The following KCNJ6 variants were observed in gnomAD, a reference collection of about 807,000 sequenced individuals.
KCNJ6 encodes G protein-activated inward rectifier potassium channel 2.
A neutral mutation model predicts 34.2 loss-of-function variants in KCNJ6; 9 were observed. The ratio of observed to expected loss-of-function variants is 0.26; its 90% CI spans 0.16 to 0.46. The LOEUF (loss-of-function observed/expected upper bound fraction) is 0.46, where lower values mean the gene tolerates loss of function less well. Ranked by LOEUF, KCNJ6 falls within the 20% of genes least tolerant of loss-of-function variation. The pLI, the probability that KCNJ6 is intolerant of heterozygous loss-of-function variation, is 1.00. For synonymous variants in KCNJ6, 196 were observed against 207.1 expected (o/e 0.95, Z 0.46); for missense variants, 236 against 531.3 (o/e 0.44, Z 5.46).
At chr21:37,742,512 A>G (rs988276217) in intron 2 of KCNJ6, among the ~76,000 whole-genome samples, 1 of 7,044 alleles carries the variant, frequency 1.4e-4, no homozygotes, top group African/African-American at 2.6e-3. Context: ...GAAAAATATT[A>G]AAAAGAAAAA....
chr21:37,854,978 C>T (rs1037186363), intron 1 of KCNJ6, among the ~76,000 whole-genome samples: 1 of 152,140 alleles, frequency 6.6e-6, no homozygotes, highest in African/African-American at 2.4e-5. Context: ...GGTAAGGATA[C>T]AGAGAAAATC....
At chr21:37,842,323 G>C (rs968484889) in intron 1 of KCNJ6, among the ~76,000 whole-genome samples, 9 of 152,170 alleles carry the variant, frequency 5.9e-5, no homozygotes, top group Non-Finnish European at 8.8e-5. Flanking sequence ...GTACAGTCTA[G>C]CAGTTTGGCT....
intron 2 of KCNJ6, among the ~76,000 whole-genome samples, chr21:37,761,141 GGTATGTGTGGTGTGTGTGCT>G (rs1025291370): frequency 1.1e-4 from 17 of 151,426 alleles, no homozygotes; most frequent in Non-Finnish European, 2.5e-4. Flanking sequence ...GTGTACGTGT[GGTATGTGTGGTGTGTGTGCT>G]GTATGTGTGT....
chr21:37,816,970 T>G (rs1227866441), intron 2 of KCNJ6, among the ~76,000 whole-genome samples: 1 of 152,204 alleles, frequency 6.6e-6, no homozygotes, highest in African/African-American at 2.4e-5. Flanking sequence ...TCTCTTGCCA[T>G]GTTTTTGGAT....
At chr21:37,744,791 C>G (rs2054959012) in intron 2 of KCNJ6, among the ~76,000 whole-genome samples, 1 of 152,242 alleles carries the variant, frequency 6.6e-6, no homozygotes, top group Middle Eastern at 3.4e-3. Context: ...AAGGATTTCA[C>G]TGAGTTGCAG....
At chr21:37,879,801 T>G (rs1244807706) in intron 1 of KCNJ6, among the ~76,000 whole-genome samples, 1 of 149,696 alleles carries the variant, frequency 6.7e-6, no homozygotes, top group East Asian at 2.0e-4. Flanking sequence ...CATGTCGGAT[T>G]GGGAGGAGAG....
intron 3 of KCNJ6, among the ~76,000 whole-genome samples, chr21:37,660,429 G>C (rs528316984): frequency 6.6e-6 from 1 of 152,310 alleles, no homozygotes; most frequent in African/African-American, 2.4e-5. Flanking sequence ...AGCACTGGTC[G>C]TGGGGTGTTC....
At chr21:37,796,224 C>G (rs2123526835) in intron 2 of KCNJ6, among the ~76,000 whole-genome samples, 1 of 152,260 alleles carries the variant, frequency 6.6e-6, no homozygotes, top group South Asian at 2.1e-4. Context: ...AATGAGCAAG[C>G]CTGAAGTCAC....
intron 3 of KCNJ6, among the ~76,000 whole-genome samples, chr21:37,655,203 GTGTGTGTGTGTGTGTGTGTGT>G (rs2054452926): frequency 1.3e-5 from 1 of 77,262 alleles, no homozygotes; most frequent in African/African-American, 4.9e-5. Context: ...GTGTGTGTGT[GTGTGTGTGTGTGTGTGTGTGT>G]GAGAGAGAGA....
At chr21:37,761,664 ATG>A in intron 2 of KCNJ6, among the ~76,000 whole-genome samples, 1 of 144,822 alleles carries the variant, frequency 6.9e-6, no homozygotes, top group Middle Eastern at 3.6e-3. Context: ...TGTGTGTTGT[ATG>A]TAGTTTGTGT....
At chr21:37,814,505 C>A (rs757950822) in intron 2 of KCNJ6, among the ~76,000 whole-genome samples, 5 of 152,140 alleles carry the variant, frequency 3.3e-5, no homozygotes, top group Admixed American at 1.3e-4. Flanking sequence ...GCACTGTTCA[C>A]AATAGCCAAA....
At chr21:37,685,711 T>TAAAAAAAAAAAA (rs2054612222) in intron 3 of KCNJ6, among the ~76,000 whole-genome samples, 1 of 81,230 alleles carries the variant, frequency 1.2e-5, no homozygotes, top group African/African-American at 3.9e-5. Flanking sequence ...AAAAAAAATC[T>TAAAAAAAAAAAA]ATCCTATGGA....
intron 2 of KCNJ6, among the ~76,000 whole-genome samples, chr21:37,736,872 G>A (rs2054915785): frequency 6.6e-6 from 1 of 152,218 alleles, no homozygotes; most frequent in Admixed American, 6.5e-5. Flanking sequence ...GCATTTCACG[G>A]TCACCCTCCT....
At chr21:37,734,700 G>T (rs940377077) in intron 2 of KCNJ6, among the ~76,000 whole-genome samples, 3 of 152,122 alleles carry the variant, frequency 2.0e-5, no homozygotes, top group Non-Finnish European at 4.4e-5. Context: ...TTGCTGGAAG[G>T]TGGTGGGAAG....
intron 3 of KCNJ6, among the ~76,000 whole-genome samples, chr21:37,639,569 A>G (rs1170131929): frequency 6.6e-6 from 1 of 152,142 alleles, no homozygotes; most frequent in Non-Finnish European, 1.5e-5. Flanking sequence ...AGCCATTTAA[A>G]TGGTTCAAAA....
At chr21:37,870,797 G>T (rs143166866) in intron 1 of KCNJ6, among the ~76,000 whole-genome samples, 1 of 152,158 alleles carries the variant, frequency 6.6e-6, no homozygotes, top group Non-Finnish European at 1.5e-5. Context: ...GTGATCTGAT[G>T]ATGCCATCGT....
chr21:37,828,133 G>C (rs2835995), intron 2 of KCNJ6, among the ~76,000 whole-genome samples: 29,624 of 152,114 alleles, frequency 0.19, 4,657 homozygotes, highest in East Asian at 0.49. Context: ...CTGGGCTGCA[G>C]AGAAATTCTG....
At chr21:37,648,232 A>G (rs898209855) in intron 3 of KCNJ6, among the ~76,000 whole-genome samples, 1 of 152,218 alleles carries the variant, frequency 6.6e-6, no homozygotes, top group African/African-American at 2.4e-5. Flanking sequence ...ATAGGCTGCA[A>G]TCACTGAGGC....
intron 2 of KCNJ6, among the ~76,000 whole-genome samples, chr21:37,744,416 A>G (rs1164621172): frequency 6.6e-6 from 1 of 152,198 alleles, no homozygotes; most frequent in Non-Finnish European, 1.5e-5. Flanking sequence ...AATGCCCTGG[A>G]AACAGAAAGA....
Sources: allele counts gnomAD v4.1 joint callset (sites outside exome capture counted in the v4.1 genomes callset), GRCh38; gene constraint gnomAD v4.1.1; transcripts MANE v1.5; gene names NCBI Gene and HGNC (gene_info 2026-07-23, HGNC 2026-07-21).